Variants in RAB43 observed in about 807,000 individuals in gnomAD.
RAB43 encodes the protein RAB43, member RAS oncogene family.
Under a neutral mutation model 18.8 loss-of-function variants are expected in RAB43, and 6 were observed. The ratio of observed to expected loss-of-function variants is 0.32; its 90% CI spans 0.17 to 0.63. RAB43 has a LOEUF of 0.63. RAB43 is among the 30% of genes least tolerant of loss of function. The pLI is 0.79. For synonymous variants in RAB43, 103 were observed against 124.1 expected, an observed-to-expected ratio of 0.83 and a Z score of 1.13; for missense variants, 195 against 289.1, an observed-to-expected ratio of 0.67 and a Z score of 2.36.
chr3:129,110,895 AT>A (rs200345300), intron 1 of RAB43, among the ~76,000 whole-genome samples: 1,676 of 145,264 alleles, frequency 0.012, 19 homozygotes, highest in African/African-American at 0.027. Flanking sequence ...CTCCATAAAG[AT>A]TTTTTTTTTT....
chr3:129,094,850 A>G, intron 2 of RAB43, 136 bp downstream of exon 2: 2 of 1,226,276 alleles, frequency 1.6e-6, no homozygotes, highest in Non-Finnish European at 2.2e-6. Context: ...TAGCAGGATC[A>G]GGATTTGCAA....
At chr3:129,119,734 G>A (rs898765289) in intron 1 of RAB43, among the ~76,000 whole-genome samples, 9 of 152,162 alleles carry the variant, frequency 5.9e-5, no homozygotes, top group Non-Finnish European at 2.9e-5. Context: ...TAACCCGTGC[G>A]CAGTAAACCA....
intron 2 of RAB43, 83 bp downstream of exon 2, chr3:129,094,903 G>T: frequency 6.5e-7 from 1 of 1,532,028 alleles, no homozygotes; most frequent in South Asian, 1.3e-5. Flanking sequence ...CTGAACTCAG[G>T]GTTACACTGT....
intron 1 of RAB43, among the ~76,000 whole-genome samples, chr3:129,117,099 A>G (rs796537818): frequency 6.6e-5 from 10 of 152,330 alleles, no homozygotes; most frequent in African/African-American, 2.4e-4. Flanking sequence ...TTCTTAGAGG[A>G]CACTGGGTGG....
intron 1 of RAB43, among the ~76,000 whole-genome samples, chr3:129,101,002 C>T (rs150395955): frequency 0.013 from 1,954 of 152,208 alleles, 30 homozygotes; most frequent in African/African-American, 0.044. Context: ...AACAGGGTTT[C>T]GCCATGTTGG....
Position 129,121,427 on chromosome 3 carries a change from C to T in RAB43, c.63G>A (p.Leu21=). The T allele has an allele frequency of 2.5e-6, 4 of 1,613,392 alleles. No homozygotes were observed. Among genetic ancestry groups the T allele is most frequent in the Non-Finnish European group, 3.4e-6 (4 of 1,179,680 alleles). ...CCACGCTTGCGTCGCCCACCAGCAC[C>T]AGCTTGAACAGGAAATCGTACTGCT... is the stretch of plus-strand genomic sequence containing the variant. The part of the protein sequence containing the change: ...PDEQYDFLFK[L]VLVGDASVGK... Residue 21 remains leucine (L), a synonymous_variant, in exon 1 of 3, where the codon CTG becomes CTA. Coordinates refer to ENST00000315150, the MANE Select transcript of RAB43 (RefSeq NM_198490.3).
At position 129,107,695 on chromosome 3, in the gene RAB43, T is replaced by A. The variant is rs1444270682; in HGVS notation, c.205-12526A>T. On this transcript the variant is annotated intron_variant, in intron 1 of 2. Coordinates refer to ENST00000315150, the MANE Select transcript of RAB43 (RefSeq NM_198490.3). The surrounding 1 kb of genome is among the most constrained non-coding windows in gnomAD (Gnocchi z 4.2). ...GGAGCCCTCACAGCCTCCACAAGAA[T>A]TCCCGTAAACCCCACACCTCTTTTC... 2.0e-5 allele frequency among the ~76,000 whole-genome samples: 3 copies of A among 152,012 alleles called. No individual in the cohort carries two copies. The highest frequency in any genetic ancestry group is 4.4e-5 in the Non-Finnish European group (3 of 67,984).
intron 1 of RAB43, among the ~76,000 whole-genome samples, chr3:129,106,628 A>G (rs969080570): frequency 3.9e-5 from 6 of 152,222 alleles, no homozygotes; most frequent in African/African-American, 7.2e-5. Context: ...AGGACAAGAA[A>G]GGTAAGACCA....
chr3:129,121,824 G>GCCCGCC (rs1935960861), upstream of RAB43: 1 of 46,106 alleles, frequency 2.2e-5, no homozygotes, highest in Non-Finnish European at 4.1e-5. Flanking sequence ...GCCCGCCCCA[G>GCCCGCC]CCCGCCCCCG....
chr3:129,117,421 ACAGTATG>A (rs943557450), intron 1 of RAB43, among the ~76,000 whole-genome samples: 2 of 152,194 alleles, frequency 1.3e-5, no homozygotes, highest in Non-Finnish European at 2.9e-5. Flanking sequence ...CAGAGACTCC[ACAGTATG>A]CAAGATAAGC....
intron 1 of RAB43, among the ~76,000 whole-genome samples, chr3:129,113,169 T>A (rs1202378638): frequency 1.4e-5 from 2 of 146,232 alleles, no homozygotes; most frequent in Non-Finnish European, 3.0e-5. Context: ...TTATTATTAT[T>A]ATTTTTTTTT....
In RAB43 at chr3:129,121,554, GCGGGCCGAGCTCCGCCCGCTCCAGCCCA is replaced by G; in HGVS notation, c.-93_-66del. ...GGACCGGCCTGAGCTCACGCAAGCC[GCGGGCCGAGCTCCGCCCGCTCCAGCCCA>G]CGGGCCGCCTGGCTACGTGGAGCCG... On this transcript the variant is annotated 5_prime_UTR_variant, in exon 1 of 3. Transcript: ENST00000315150. 3.6e-6 allele frequency: 5 copies of G among 1,380,854 alleles called. No individual in the cohort carries two copies. Among genetic ancestry groups the G allele is most frequent in the Non-Finnish European group, 4.8e-6 (5 of 1,032,628 alleles). 85.5% of individuals were successfully genotyped at this position (1,380,854 alleles called of 1,614,324 possible).
chr3:129,095,238 C>G lies in RAB43; in HGVS notation c.205-69G>C. 2 of 1,547,394 alleles carry G rather than the reference C, an allele frequency of 1.3e-6. No individual in the cohort carries two copies. The highest frequency in any genetic ancestry group is 2.5e-5 in the South Asian group (2 of 80,404). The stretch of plus-strand genomic sequence containing the variant: ...AACATGGGGACAGGCAGAGTGACCC[C>G]ACAGACCCACACCCAGAGCTGTGGT... On this transcript the variant is annotated intron_variant, in intron 1 of 2. Coordinates refer to ENST00000315150, the MANE Select transcript of RAB43 (RefSeq NM_198490.3). The surrounding 1 kb of genome is among the most constrained non-coding windows in gnomAD (Gnocchi z 4.2).
At position 129,095,545 on chromosome 3, in the gene RAB43, C is replaced by T. The variant is rs951055681; in HGVS notation, c.205-376G>A. 3.9e-5 allele frequency among the ~76,000 whole-genome samples: 6 copies of T among 152,182 alleles called. No homozygotes were observed. Among genetic ancestry groups the T allele is most frequent in the African/African-American group, 1.2e-4 (5 of 41,452 alleles). On this transcript the variant is annotated intron_variant, in intron 1 of 2. Coordinates refer to ENST00000315150, the MANE Select transcript of RAB43 (RefSeq NM_198490.3). This position sits in a 1 kb window ranked among gnomAD's most constrained non-coding sequence, Gnocchi z 4.2. Reference sequence around the variant, plus strand: ...GAAAGCTGGCTCCAGGTGCACTGCACGGCCAGCAGTAGGCACGGCCAGGTA... The same window carrying T: ...GAAAGCTGGCTCCAGGTGCACTGCATGGCCAGCAGTAGGCACGGCCAGGTA...
Position 129,107,788 on chromosome 3 carries a change from A to C in RAB43, c.205-12619T>G, listed in dbSNP as rs954105279. 7.9e-5 allele frequency among the ~76,000 whole-genome samples: 12 copies of C among 151,962 alleles called. No homozygotes were observed. Among genetic ancestry groups the C allele is most frequent in the African/African-American group, 2.9e-4 (12 of 41,360 alleles). ...GATGTCCTATGGCCCACACTGAACA[A>C]CCCCAACCCTCAAACCATCCCTCCA... is the stretch of plus-strand genomic sequence containing the variant. On this transcript the variant is annotated intron_variant, in intron 1 of 2. Transcript: ENST00000315150. This position sits in a 1 kb window ranked among gnomAD's most constrained non-coding sequence, Gnocchi z 4.2.
chr3:129,121,735 C>T lies in RAB43; in HGVS notation c.-246G>A. 1 of 271,846 alleles carries T rather than the reference C, an allele frequency of 3.7e-6. No homozygotes were observed. The highest frequency in any genetic ancestry group is 6.8e-6 in the Non-Finnish European group (1 of 146,566). The allele number at this position is 271,846 out of a possible 1,614,324, so 16.8% of individuals were successfully genotyped here. A position where few individuals can be genotyped will look rare whatever the true frequency, so the allele number is the denominator to read the frequency against. On this transcript the variant is annotated 5_prime_UTR_variant, in exon 1 of 3. Coordinates refer to ENST00000315150, the MANE Select transcript of RAB43 (RefSeq NM_198490.3). ...CCCGGTGCCCCGCGGGTTCGGCTCC[C>T]CCCCGGACCCGCCAAGCCGGGCCCT... is the stretch of plus-strand genomic sequence containing the variant.
In RAB43 at chr3:129,121,468, G is replaced by A. The variant is rs1935927572; in HGVS notation, c.22C>T (p.Pro8Ser). 1 of 1,612,006 alleles carries A rather than the reference G, an allele frequency of 6.2e-7. No individual in the cohort carries two copies. The highest frequency in any genetic ancestry group is 1.1e-5 in the South Asian group (1 of 90,818). Residue 8 changes from proline (P) to serine (S), a missense_variant, in exon 1 of 3, where the codon CCG becomes TCG. Coordinates refer to ENST00000315150, the MANE Select transcript of RAB43 (RefSeq NM_198490.3). ...TCGTACTGCTCGTCCGGGTCCCCCG[G>A]GCCTGGGCCCGGCCCTGCCATGGCC... Reference protein sequence around the residue: MAGPGPGPGDPDEQYDFL... With the variant: MAGPGPGSGDPDEQYDFL...
intron 1 of RAB43, among the ~76,000 whole-genome samples, chr3:129,110,310 G>A (rs1483874880): frequency 1.3e-5 from 2 of 152,208 alleles, no homozygotes; most frequent in Non-Finnish European, 2.9e-5. Flanking sequence ...GAGGTAGCTG[G>A]ATAAATGGGG....
chr3:129,107,001 C>T lies in RAB43; in HGVS notation c.205-11832G>A, dbSNP rs910441966. Among the ~76,000 whole-genome samples, 12 of 152,204 alleles carry T rather than the reference C, an allele frequency of 7.9e-5. No individual in the cohort carries two copies. The East Asian group carries it at 1.2e-3, about 15-fold the overall frequency. On this transcript the variant is annotated intron_variant, in intron 1 of 2. Transcript: ENST00000315150. The surrounding 1 kb of genome is among the most constrained non-coding windows in gnomAD (Gnocchi z 4.2). ...GTCACCCAGGAAGCACAGTAACCCA[C>T]GACGTTTTGCAGGCCTGGTGAAAGC...
Sources: allele counts gnomAD v4.1 joint callset (sites outside exome capture counted in the v4.1 genomes callset), GRCh38; gene constraint gnomAD v4.1.1; non-coding constraint Gnocchi (gnomAD v3.1); transcripts MANE v1.5; gene names NCBI Gene and HGNC (gene_info 2026-07-23, HGNC 2026-07-21).